The following PLGRKT variants were observed in gnomAD, a reference collection of about 807,000 sequenced individuals.
PLGRKT encodes plasminogen receptor (KT).
Under a neutral mutation model 18.5 loss-of-function variants are expected in PLGRKT, and 22 were observed. The ratio of observed to expected loss-of-function variants is 1.19; its 90% CI spans 0.85 to 1.70. The LOEUF is 1.70. PLGRKT is among the 40% of genes most tolerant of loss of function. The pLI is 0.00. For synonymous variants in PLGRKT, 72 were observed against 52.8 expected, an observed-to-expected ratio of 1.36 and a Z score of -1.58; for missense variants, 235 against 174.4, an observed-to-expected ratio of 1.35 and a Z score of -1.96.
Position 5,378,871 on chromosome 9 carries a change from CT to C in PLGRKT, c.82-16984del, listed in dbSNP as rs551667742. On this transcript the variant is annotated intron_variant, in intron 3 of 5. Coordinates refer to ENST00000223864, the MANE Select transcript of PLGRKT (RefSeq NM_018465.4). The stretch of plus-strand genomic sequence containing the variant: ...AGGATTAAGCAATTAAATCAACAAG[CT>C]TAATATGTGTGTATCTGTATAGCCA... Among the ~76,000 whole-genome samples, 270 of 152,128 alleles carry C rather than the reference CT, an allele frequency of 1.8e-3. 1 individual carries two copies. Among genetic ancestry groups the C allele is most frequent in the African/African-American group, 6.1e-3 (252 of 41,524 alleles).
At chr9:5,386,495 C>T (rs1374246317) in intron 3 of PLGRKT, among the ~76,000 whole-genome samples, 1 of 151,564 alleles carries the variant, frequency 6.6e-6, no homozygotes, top group African/African-American at 2.4e-5. Flanking sequence ...AGTGGACCCC[C>T]ACACACACAC....
Position 5,418,832 on chromosome 9 carries a change from G to T in PLGRKT, c.81+13065C>A. 1 of 1,028,642 alleles carries T rather than the reference G, an allele frequency of 9.7e-7. No homozygotes were observed. Among genetic ancestry groups the T allele is most frequent in the Non-Finnish European group, 1.5e-6 (1 of 660,428 alleles). The allele number at this position is 1,028,642 out of a possible 1,614,324, so 63.7% of individuals were successfully genotyped here. ...GTGACACCGCTGCACCAGGGGCATC[G>T]CACATCCTTCTGGCTGGTCCTCGTC... On this transcript the variant is annotated intron_variant, in intron 3 of 5. Transcript: ENST00000223864. The surrounding 1 kb of genome is among the most constrained non-coding windows in gnomAD (Gnocchi z 4.2).
At chr9:5,416,934 C>T (rs1818473348) in intron 3 of PLGRKT, among the ~76,000 whole-genome samples, 3 of 152,226 alleles carry the variant, frequency 2.0e-5, no homozygotes, top group Admixed American at 6.5e-5. Context: ...AAAGTATTTT[C>T]ATTAGCTCCC....
At chr9:5,433,757 G>C (rs1411865192) in intron 2 of PLGRKT, among the ~76,000 whole-genome samples, 2 of 136,852 alleles carry the variant, frequency 1.5e-5, no homozygotes, top group South Asian at 2.4e-4. Context: ...GCCTTTGCCC[G>C]GCTGCCCCGT....
intron 3 of PLGRKT, among the ~76,000 whole-genome samples, chr9:5,404,160 A>G (rs1297291857): frequency 6.6e-6 from 1 of 152,122 alleles, no homozygotes; most frequent in African/African-American, 2.4e-5. Flanking sequence ...AACAGCCCAG[A>G]TCCTGATGGA....
chr9:5,360,567 T>A (rs575741817), intron 5 of PLGRKT, among the ~76,000 whole-genome samples: 3 of 152,298 alleles, frequency 2.0e-5, no homozygotes, highest in South Asian at 4.2e-4. Context: ...AACAACAGAT[T>A]TCCATTGTGT....
chr9:5,394,712 G>C lies in PLGRKT; in HGVS notation c.82-32824C>G, dbSNP rs1365173698. 5.3e-5 allele frequency among the ~76,000 whole-genome samples: 8 copies of C among 151,848 alleles called. No homozygotes were observed. In the East Asian group the frequency reaches 1.5e-3, roughly 29 times the overall value. The stretch of plus-strand genomic sequence containing the variant: ...ACAGGCGTAAGCCACTGCGTGACAG[G>C]GAAGTTTTTTTTTAAATATAACTTT... On this transcript the variant is annotated intron_variant, in intron 3 of 5. Transcript: ENST00000223864.
chr9:5,426,014 A>T (rs150948544), intron 3 of PLGRKT, among the ~76,000 whole-genome samples: 2 of 152,250 alleles, frequency 1.3e-5, no homozygotes, highest in African/African-American at 4.8e-5. Flanking sequence ...TGTTATTTAG[A>T]CATGGTATTT....
At chr9:5,429,580 C>T (rs922320345) in intron 3 of PLGRKT, among the ~76,000 whole-genome samples, 3 of 152,156 alleles carry the variant, frequency 2.0e-5, no homozygotes, top group South Asian at 4.1e-4. Flanking sequence ...TGTATGGTCC[C>T]GGTATGCATA....
intron 3 of PLGRKT, among the ~76,000 whole-genome samples, chr9:5,414,438 G>C (rs1288109844): frequency 6.6e-6 from 1 of 152,182 alleles, no homozygotes; most frequent in African/African-American, 2.4e-5. Flanking sequence ...AAAGTGGTGG[G>C]ATTACAGGCA....
At chr9:5,417,328 C>G (rs140833009) in intron 3 of PLGRKT, among the ~76,000 whole-genome samples, 1 of 152,058 alleles carries the variant, frequency 6.6e-6, no homozygotes, top group Non-Finnish European at 1.5e-5. Flanking sequence ...GATATCCACA[C>G]GCAAAAGAGT....
chr9:5,433,051 G>T (rs906703219), intron 2 of PLGRKT, among the ~76,000 whole-genome samples: 3 of 151,140 alleles, frequency 2.0e-5, no homozygotes, highest in Non-Finnish European at 4.4e-5. Flanking sequence ...GGGATGTGAG[G>T]AGGGCCTCTG....
intron 5 of PLGRKT, among the ~76,000 whole-genome samples, chr9:5,358,971 T>C (rs775342681): frequency 1.3e-5 from 2 of 152,170 alleles, no homozygotes; most frequent in Non-Finnish European, 2.9e-5. Context: ...TTGTAAAAAA[T>C]TGTATTACAG....
intron 3 of PLGRKT, among the ~76,000 whole-genome samples, chr9:5,371,924 T>C (rs1817525566): frequency 6.7e-6 from 1 of 150,074 alleles, no homozygotes; most frequent in Non-Finnish European, 1.5e-5. Context: ...TACTCTATAA[T>C]AATTAGGATA....
rs1817257170 is a variant in PLGRKT at position 5,361,202 on chromosome 9, A to AAAAGAAGAACCAATATC, written c.213-32_213-16dup. The AAAAGAAGAACCAATATC allele has an allele frequency of 1.4e-6, 2 of 1,476,242 alleles. No individual in the cohort carries two copies. Among genetic ancestry groups the AAAAGAAGAACCAATATC allele is most frequent in the Non-Finnish European group, 1.9e-6 (2 of 1,063,826 alleles). The allele number at this position is 1,476,242 out of a possible 1,614,324, so 91.4% of individuals were successfully genotyped here. On this transcript the variant is annotated splice_polypyrimidine_tract_variant and intron_variant, in intron 4 of 5. Coordinates refer to ENST00000223864, the MANE Select transcript of PLGRKT (RefSeq NM_018465.4). The stretch of plus-strand genomic sequence containing the variant: ...TTTTAATCGCTCTGTTTCAAGAATT[A>AAAAGAAGAACCAATATC]AAAGAAGAACCAATATCAAAAAATA...
intron 3 of PLGRKT, among the ~76,000 whole-genome samples, chr9:5,394,767 G>A (rs1818014271): frequency 1.3e-5 from 2 of 151,872 alleles, no homozygotes; most frequent in African/African-American, 4.9e-5. Flanking sequence ...AATATTGGAT[G>A]CTATAACAAA....
intron 3 of PLGRKT, among the ~76,000 whole-genome samples, chr9:5,390,387 A>G (rs946161537): frequency 1.3e-5 from 2 of 151,808 alleles, no homozygotes; most frequent in Admixed American, 6.6e-5. Context: ...AATTTGAAAG[A>G]TCACAGGAGA....
chr9:5,363,753 T>C (rs1015389322), intron 3 of PLGRKT, among the ~76,000 whole-genome samples: 2 of 152,104 alleles, frequency 1.3e-5, no homozygotes, highest in African/African-American at 4.8e-5. Context: ...AGGGAAAAGA[T>C]GAACGGAGAA....
At chr9:5,420,638 C>G (rs1818557936) in intron 3 of PLGRKT, among the ~76,000 whole-genome samples, 1 of 152,148 alleles carries the variant, frequency 6.6e-6, no homozygotes, top group African/African-American at 2.4e-5. Context: ...CAGGTTAAGT[C>G]CGCTCATACT....
Sources: allele counts gnomAD v4.1 joint callset (sites outside exome capture counted in the v4.1 genomes callset), GRCh38; gene constraint gnomAD v4.1.1; non-coding constraint Gnocchi (gnomAD v3.1); transcripts MANE v1.5; gene names NCBI Gene and HGNC (gene_info 2026-07-23, HGNC 2026-07-21).